Variants in TANC2 observed in about 807,000 individuals in gnomAD.
TANC2 encodes the protein tetratricopeptide repeat, ankyrin repeat and coiled-coil containing 2, also known as protein TANC2.
TANC2 carries 26 observed loss-of-function variants against 210.5 expected under a neutral mutation model. The ratio of observed to expected loss-of-function variants is 0.12; its 90% CI spans 0.09 to 0.17. The LOEUF is 0.17. Ranked by LOEUF, TANC2 falls within the 10% of genes least tolerant of loss-of-function variation. The pLI is 1.00. For synonymous variants in TANC2, 931 were observed against 967.1 expected, an observed-to-expected ratio of 0.96 and a Z score of 0.69; for missense variants, 2,129 against 2,608.9, an observed-to-expected ratio of 0.82 and a Z score of 4.01.
intron 1 of TANC2, among the ~76,000 whole-genome samples, chr17:63,006,601 A>G (rs1246231543): frequency 2.6e-5 from 4 of 152,122 alleles, no homozygotes; most frequent in African/African-American, 7.2e-5. Context: ...TTCTAGCTTA[A>G]TTGCTTTGTG....
intron 11 of TANC2, among the ~76,000 whole-genome samples, chr17:63,321,723 T>C (rs565358351): frequency 1.3e-5 from 2 of 152,284 alleles, no homozygotes; most frequent in South Asian, 4.1e-4. Flanking sequence ...TTGTTTTCAG[T>C]CCTGCACCTG....
intron 17 of TANC2, chr17:63,390,862 A>G (rs1172703924): frequency 1.3e-5 from 2 of 151,962 alleles, no homozygotes; most frequent in East Asian, 3.9e-4. Flanking sequence ...TTCATCTTTC[A>G]TTGTTTTCCC....
intron 10 of TANC2, among the ~76,000 whole-genome samples, chr17:63,316,607 T>C (rs1046205849): frequency 6.6e-6 from 1 of 152,220 alleles, no homozygotes; most frequent in Non-Finnish European, 1.5e-5. Context: ...GTTGAGACTG[T>C]AGATTTGGTC....
intron 9 of TANC2, among the ~76,000 whole-genome samples, chr17:63,303,935 A>G (rs1033969970): frequency 1.3e-5 from 2 of 151,816 alleles, no homozygotes; most frequent in Non-Finnish European, 2.9e-5. Flanking sequence ...TTTCAGCTCC[A>G]TCAGGTCATT....
At position 63,421,693 on chromosome 17, in the gene TANC2, A is replaced by G. The variant is rs754457210; in HGVS notation, c.5963A>G (p.Asn1988Ser). 1.2e-6 allele frequency: 2 copies of G among 1,614,038 alleles called. No individual in the cohort carries two copies. The highest frequency in any genetic ancestry group is 1.7e-6 in the Non-Finnish European group (2 of 1,179,896). Residue 1988 changes from asparagine to serine, a missense_variant, in exon 28 of 28, where the codon AAC (asparagine) becomes AGC (serine). This residue lies in a region of TANC2 where 161 missense variants were observed against 178.6 expected (regional missense o/e 0.90). Coordinates refer to ENST00000689528, the Ensembl canonical transcript of TANC2. The surrounding 1 kb of genome is among the most constrained non-coding windows in gnomAD (Gnocchi z 6.9). ...TCCATCAGCAACATTGCCTTTTATA[A>G]CAAAACCAACAATGCACAGAATGGC...
At chr17:63,162,303 GA>G (rs113042998) in intron 5 of TANC2, among the ~76,000 whole-genome samples, 59 of 141,954 alleles carry the variant, frequency 4.2e-4, no homozygotes, top group South Asian at 1.8e-3. Context: ...ACCCTGTCTG[GA>G]AAAAAAAAAA....
chr17:63,407,094 C>A (rs2048534138), intron 21 of TANC2, among the ~76,000 whole-genome samples: 1 of 152,212 alleles, frequency 6.6e-6, no homozygotes, highest in Non-Finnish European at 1.5e-5. Flanking sequence ...GCCAGAGCAG[C>A]TGAGGGTAGT....
intron 2 of TANC2, among the ~76,000 whole-genome samples, chr17:63,033,082 A>T (rs2034836893): frequency 6.6e-6 from 1 of 152,204 alleles, no homozygotes; most frequent in South Asian, 2.1e-4. Context: ...AGTACATAGG[A>T]TAAGATCTGA....
chr17:63,273,145 A>G (rs1438297838), intron 9 of TANC2, among the ~76,000 whole-genome samples: 1 of 152,014 alleles, frequency 6.6e-6, no homozygotes, highest in African/African-American at 2.4e-5. Context: ...AAAATTTAAA[A>G]ATTAGCCATG....
At chr17:63,133,638 T>A (rs569595215) in intron 4 of TANC2, among the ~76,000 whole-genome samples, 5 of 152,214 alleles carry the variant, frequency 3.3e-5, no homozygotes, top group Non-Finnish European at 5.9e-5. Context: ...CTCAGTTCTT[T>A]ATTATATGTA....
intron 7 of TANC2, among the ~76,000 whole-genome samples, chr17:63,210,732 A>G (rs531011459): frequency 2.0e-5 from 3 of 152,290 alleles, no homozygotes; most frequent in South Asian, 2.1e-4. Flanking sequence ...TGTTTCTTGA[A>G]TATTTAGTCA....
intron 4 of TANC2, chr17:63,148,264 T>C (rs1425569651): frequency 6.6e-6 from 1 of 152,232 alleles, no homozygotes; most frequent in African/African-American, 2.4e-5. Flanking sequence ...CTTTGTTTTC[T>C]GTAGCCGTAG....
intron 2 of TANC2, among the ~76,000 whole-genome samples, chr17:63,060,351 T>C (rs914531026): frequency 1.6e-4 from 24 of 152,264 alleles, no homozygotes; most frequent in African/African-American, 5.5e-4. Context: ...CTGGGCGTGG[T>C]GGCCCACGCC....
intron 7 of TANC2, among the ~76,000 whole-genome samples, chr17:63,222,048 T>G (rs973190437): frequency 2.0e-5 from 3 of 152,146 alleles, no homozygotes; most frequent in Admixed American, 2.0e-4. Flanking sequence ...ACAATAGAAA[T>G]ATATTTCTCA....
At chr17:63,417,929 A>G (rs1382653694) in intron 26 of TANC2, among the ~76,000 whole-genome samples, 1 of 152,236 alleles carries the variant, frequency 6.6e-6, no homozygotes, top group Non-Finnish European at 1.5e-5. Context: ...GGCTCAGACC[A>G]GGGTCCACGT....
rs533060431 is a variant in TANC2, at chr17:63,284,966, C to A, written c.1159+17093C>A. 1.9e-3 allele frequency among the ~76,000 whole-genome samples: 284 copies of A among 150,718 alleles called. 1 individual carries two copies. The highest frequency in any genetic ancestry group is 6.6e-3 in the African/African-American group (273 of 41,202). ...ATTCTTGATGCACTGACCCAGTGAT[C>A]ATTAGGGAATGACCTTTTTTTAATC... On this transcript the variant is annotated intron_variant, in intron 9 of 27. Coordinates refer to ENST00000689528, the Ensembl canonical transcript of TANC2.
intron 9 of TANC2, among the ~76,000 whole-genome samples, chr17:63,309,308 AT>A (rs2045037279): frequency 6.6e-6 from 1 of 152,226 alleles, no homozygotes; most frequent in Non-Finnish European, 1.5e-5. Context: ...AGTTGGACAC[AT>A]TTACAGTGCT....
intron 9 of TANC2, among the ~76,000 whole-genome samples, chr17:63,272,563 C>G (rs137987152): frequency 6.6e-6 from 1 of 152,076 alleles, no homozygotes; most frequent in Non-Finnish European, 1.5e-5. Context: ...GCCATTTTAA[C>G]GACATTGATT....
exon 8 of TANC2, chr17:63,237,897 A>C: frequency 6.4e-7 from 1 of 1,571,948 alleles, no homozygotes; most frequent in South Asian, 1.2e-5. Flanking sequence ...TGGAGGAAAC[A>C]TAAAACCTTG....
Sources: gnomAD v4.1 joint callset for allele counts (sites outside exome capture counted in the v4.1 genomes callset) on GRCh38, gnomAD v4.1.1 for gene constraint, gnomAD v4.1.1 regional missense constraint, Gnocchi (gnomAD v3.1) non-coding constraint, MANE v1.5 for transcripts, NCBI Gene and HGNC (gene_info 2026-07-23, HGNC 2026-07-21) for gene names.